The following EYA3 variants were observed in gnomAD, a reference collection of about 807,000 sequenced individuals.
EYA3 encodes protein phosphatase EYA3.
In EYA3, 39 loss-of-function variants were observed where a neutral mutation model predicts 80.0. That is an observed-to-expected ratio of 0.49 (90% confidence interval 0.38 to 0.64). EYA3 has a LOEUF of 0.64. Ranked by LOEUF, EYA3 falls within the 30% of genes least tolerant of loss-of-function variation. The pLI, the probability that EYA3 is intolerant of heterozygous loss-of-function variation, is 0.00. For synonymous variants in EYA3, 206 were observed against 232.8 expected (o/e 0.88, Z 1.05); for missense variants, 523 against 676.1 (o/e 0.77, Z 2.51).
intron 5 of EYA3, among the ~76,000 whole-genome samples, chr1:28,038,373 T>G (rs552660030): frequency 6.9e-6 from 1 of 145,494 alleles, no homozygotes; most frequent in Non-Finnish European, 1.5e-5. Flanking sequence ...GAGGTGGAGG[T>G]TGCAGTGAGC....
intron 1 of EYA3, among the ~76,000 whole-genome samples, chr1:28,084,035 C>T (rs1337849789): frequency 6.6e-6 from 1 of 152,176 alleles, no homozygotes. Context: ...GCATCCAAAA[C>T]AATCTGTAGT....
At chr1:28,020,594 C>T (rs1197272235) in intron 7 of EYA3, among the ~76,000 whole-genome samples, 3 of 151,374 alleles carry the variant, frequency 2.0e-5, no homozygotes, top group Non-Finnish European at 4.4e-5. Context: ...AAAATGTATA[C>T]AACCACTGCC....
chr1:28,064,372 C>G (rs1355306531), intron 1 of EYA3, among the ~76,000 whole-genome samples: 1 of 116,612 alleles, frequency 8.6e-6, no homozygotes, highest in Non-Finnish European at 1.9e-5. Context: ...CTCTCTCTCT[C>G]TCTCTCTATA....
In EYA3 at chr1:27,993,217, G is replaced by A. The variant is rs1328262345; in HGVS notation, c.1303+183C>T. Among the ~76,000 whole-genome samples the A allele has an allele frequency of 2.0e-5, 3 of 152,204 alleles. No homozygotes were observed. In the East Asian group the frequency reaches 5.8e-4, roughly 29 times the overall value. The stretch of plus-strand genomic sequence containing the variant: ...AAATTATGCTTAGAGAAGCCCGTTA[G>A]AAATATAGAGCTTCCTCCCAAAAGG... On this transcript the variant is annotated intron_variant, in intron 14 of 17. Transcript: ENST00000373871.
chr1:28,006,689 G>C (rs1641301945), intron 10 of EYA3, among the ~76,000 whole-genome samples: 1 of 152,000 alleles, frequency 6.6e-6, no homozygotes, highest in Non-Finnish European at 1.5e-5. Flanking sequence ...CTGGGTGACA[G>C]AGCATGACTC....
chr1:27,976,842 C>T (rs888123737), intron 17 of EYA3: 4 of 185,594 alleles, frequency 2.2e-5, no homozygotes, highest in Non-Finnish European at 4.1e-5. Flanking sequence ...CTCAGCCTCC[C>T]GAGTAGCTGG....
intron 17 of EYA3, among the ~76,000 whole-genome samples, chr1:27,978,049 G>A (rs1398196682): frequency 6.6e-6 from 1 of 152,024 alleles, no homozygotes; most frequent in Non-Finnish European, 1.5e-5. Flanking sequence ...TTGCAGTCAA[G>A]TCTGATGCTT....
At chr1:28,041,665 ATTTAT>A (rs762792497) in intron 4 of EYA3, among the ~76,000 whole-genome samples, 26 of 151,956 alleles carry the variant, frequency 1.7e-4, no homozygotes, top group African/African-American at 5.6e-4. Context: ...CAAAGTTTTT[ATTTAT>A]TTTATTTTAT....
At chr1:28,003,656 C>A (rs1275804629) in intron 11 of EYA3, among the ~76,000 whole-genome samples, 1 of 152,176 alleles carries the variant, frequency 6.6e-6, no homozygotes, top group Non-Finnish European at 1.5e-5. Flanking sequence ...AATCTTCCCA[C>A]CTCAGCTTCC....
intron 16 of EYA3, among the ~76,000 whole-genome samples, chr1:27,979,813 C>A (rs1557520049): frequency 6.6e-6 from 1 of 152,190 alleles, no homozygotes; most frequent in Non-Finnish European, 1.5e-5. Context: ...TGACTGCCAT[C>A]TGCTGGAAAA....
chr1:28,041,214 A>T (rs1571873778), intron 4 of EYA3, among the ~76,000 whole-genome samples: 1 of 152,234 alleles, frequency 6.6e-6, no homozygotes, highest in East Asian at 1.9e-4. Context: ...AAATACAAAA[A>T]TTAGCCAGGC....
At position 28,035,648 on chromosome 1, in the gene EYA3, G is replaced by A. The variant is rs769229164; in HGVS notation, c.257C>T (p.Ser86Leu). Residue 86 changes from serine to leucine, a missense_variant, in exon 6 of 18, where the codon TCG (serine) becomes TTG (leucine). Physicochemically the swap from Ser to Leu is moderately radical, Grantham distance 145. Around this residue, in one of 2 missense-constraint regions of EYA3, gnomAD observed 304 missense variants for 343.3 expected, o/e 0.89. Coordinates refer to ENST00000373871, the MANE Select transcript of EYA3 (RefSeq NM_001990.4). ...PYAHILSVPV[S>L]ETAYPGQTQY... ...AGTCTGTCCAGGGTAAGCAGTTTCCGAAACAGGAACTGAGAGAATATGTGC... is the reference window on the plus strand; with the variant it reads ...AGTCTGTCCAGGGTAAGCAGTTTCCAAAACAGGAACTGAGAGAATATGTGC... 44 of 1,613,918 alleles carry A rather than the reference G, an allele frequency of 2.7e-5. No homozygotes were observed. The highest frequency in any genetic ancestry group is 3.4e-5 in the Non-Finnish European group (40 of 1,179,982).
chr1:28,001,889 C>G (rs1386181328), intron 11 of EYA3, among the ~76,000 whole-genome samples: 3 of 150,420 alleles, frequency 2.0e-5, no homozygotes, highest in Admixed American at 1.3e-4. Flanking sequence ...TGCCACCATG[C>G]CCGGCTAATT....
chr1:28,027,093 G>A (rs928661988), intron 7 of EYA3, among the ~76,000 whole-genome samples: 3 of 152,160 alleles, frequency 2.0e-5, no homozygotes, highest in African/African-American at 7.2e-5. Context: ...AGAGGCAGAT[G>A]AGAAGCCAGG....
At chr1:28,014,839 T>G (rs538221349) in intron 8 of EYA3, among the ~76,000 whole-genome samples, 163 of 152,326 alleles carry the variant, frequency 1.1e-3, no homozygotes, top group Admixed American at 1.8e-3. Flanking sequence ...GTTTACTGTA[T>G]GTCAATTACT....
chr1:28,033,764 C>T (rs942681384), intron 6 of EYA3, among the ~76,000 whole-genome samples: 1 of 151,568 alleles, frequency 6.6e-6, no homozygotes, highest in African/African-American at 2.4e-5. Context: ...GAGTGATTCT[C>T]ATGCCTCAGC....
chr1:28,077,784 C>T (rs1397143249), intron 1 of EYA3, among the ~76,000 whole-genome samples: 2 of 152,188 alleles, frequency 1.3e-5, no homozygotes, highest in Non-Finnish European at 2.9e-5. Flanking sequence ...AGAATCACAA[C>T]ATGAATATTC....
chr1:27,975,691 T>C (rs997187799), intron 17 of EYA3, among the ~76,000 whole-genome samples: 2 of 151,404 alleles, frequency 1.3e-5, no homozygotes, highest in Admixed American at 1.3e-4. Flanking sequence ...TTCACCGTGT[T>C]AGCCAGGATG....
intron 1 of EYA3, among the ~76,000 whole-genome samples, chr1:28,075,162 G>A (rs1009509709): frequency 6.6e-6 from 1 of 152,226 alleles, no homozygotes; most frequent in South Asian, 2.1e-4. Flanking sequence ...GACAGCTTAG[G>A]ACCTTCTTAG....
Sources: gnomAD v4.1 joint callset for allele counts (sites outside exome capture counted in the v4.1 genomes callset) on GRCh38, gnomAD v4.1.1 for gene constraint, gnomAD v4.1.1 regional missense constraint, MANE v1.5 for transcripts, NCBI Gene and HGNC (gene_info 2026-07-23, HGNC 2026-07-21) for gene names.